Variants in AKT3 observed in about 807,000 individuals in gnomAD.
The protein encoded by AKT3 is AKT serine/threonine kinase 3, also known as RAC-gamma serine/threonine-protein kinase.
A neutral mutation model predicts 65.3 loss-of-function variants in AKT3; 15 were observed. The ratio of observed to expected loss-of-function variants is 0.23; its 90% CI spans 0.15 to 0.35. The LOEUF is 0.35. Among genes scored for constraint, AKT3 ranks in the 10% least tolerant of loss-of-function variants. The pLI is 1.00. For missense variants in AKT3, 243 were observed against 576.5 expected, an observed-to-expected ratio of 0.42 and a Z score of 5.92; for synonymous variants, 206 against 183.8, an observed-to-expected ratio of 1.12 and a Z score of -0.98.
intron 4 of AKT3, among the ~76,000 whole-genome samples, chr1:243,663,039 T>C (rs183183117): frequency 1.2e-4 from 18 of 152,292 alleles, no homozygotes; most frequent in Non-Finnish European, 1.9e-4. Flanking sequence ...TCAAAGAATA[T>C]ATATTGACAT....
At chr1:243,607,184 G>C (rs1677492777) in intron 8 of AKT3, among the ~76,000 whole-genome samples, 1 of 152,202 alleles carries the variant, frequency 6.6e-6, no homozygotes, top group South Asian at 2.1e-4. Context: ...GTGGAGCTGT[G>C]AGAAGAGGGT....
chr1:243,611,124 C>T (rs1374219694), intron 8 of AKT3, among the ~76,000 whole-genome samples: 2 of 152,086 alleles, frequency 1.3e-5, no homozygotes, highest in Non-Finnish European at 2.9e-5. Flanking sequence ...ATTTCATTTC[C>T]ACCCCCATAA....
At chr1:243,814,004 T>C (rs1334568093) in intron 2 of AKT3, among the ~76,000 whole-genome samples, 2 of 151,860 alleles carry the variant, frequency 1.3e-5, no homozygotes, top group Non-Finnish European at 2.9e-5. Flanking sequence ...GGGAGGCTCA[T>C]TCAGGAGGAT....
chr1:243,656,675 A>G (rs893970011), intron 4 of AKT3, among the ~76,000 whole-genome samples: 8 of 152,230 alleles, frequency 5.3e-5, no homozygotes, highest in African/African-American at 1.9e-4. Flanking sequence ...AGAGCACAGT[A>G]TAGCATTAGT....
intron 2 of AKT3, among the ~76,000 whole-genome samples, chr1:243,809,233 T>G (rs1241870485): frequency 6.6e-6 from 1 of 152,180 alleles, no homozygotes; most frequent in Non-Finnish European, 1.5e-5. Context: ...AGACACAGAC[T>G]GGCAAATTGG....
Position 243,600,740 on chromosome 1 carries a change from C to T in AKT3, c.696+12931G>A, listed in dbSNP as rs566558787. 3.3e-5 allele frequency among the ~76,000 whole-genome samples: 5 copies of T among 152,246 alleles called. No individual in the cohort carries two copies. In the East Asian group the frequency reaches 9.6e-4, roughly 29 times the overall value. ...AAGCATAAAAGAAAATCTCCCCGAC[C>T]TGCCACCACCCAACAGGTCTAGCTT... On this transcript the variant is annotated intron_variant, in intron 8 of 13. Transcript: ENST00000673466.
intron 8 of AKT3, among the ~76,000 whole-genome samples, chr1:243,599,525 G>A (rs560222862): frequency 6.6e-6 from 1 of 152,234 alleles, no homozygotes; most frequent in Non-Finnish European, 1.5e-5. Context: ...GGTTCTTACA[G>A]TACAGGTAAA....
intron 6 of AKT3, among the ~76,000 whole-genome samples, chr1:243,619,078 A>T (rs1427005878): frequency 6.6e-6 from 1 of 152,058 alleles, no homozygotes; most frequent in East Asian, 1.9e-4. Context: ...ATTTTCTCCA[A>T]ATTGACCACA....
At chr1:243,839,998 C>T (rs1425052052) in intron 2 of AKT3, among the ~76,000 whole-genome samples, 3 of 151,734 alleles carry the variant, frequency 2.0e-5, no homozygotes, top group Non-Finnish European at 4.4e-5. Context: ...CTGGCTAACA[C>T]GGTGAAATCT....
intron 13 of AKT3, among the ~76,000 whole-genome samples, chr1:243,509,410 A>G (rs1669881970): frequency 6.6e-6 from 1 of 152,214 alleles, no homozygotes; most frequent in Non-Finnish European, 1.5e-5. Context: ...TAAGGAATAA[A>G]GCAGGTAAGA....
At position 243,731,926 on chromosome 1, in the gene AKT3, G is replaced by C. The variant is rs986475576; in HGVS notation, c.47-36210C>G. 2.6e-5 allele frequency among the ~76,000 whole-genome samples: 4 copies of C among 152,060 alleles called. No individual in the cohort carries two copies. In the East Asian group the frequency reaches 7.7e-4, roughly 29 times the overall value. ...GCCTCATATGTAATTACCATGTAAC[G>C]GTTTTTCCTTTCTTCCTAATTTCAT... On this transcript the variant is annotated intron_variant, in intron 2 of 13. Transcript: ENST00000673466.
intron 5 of AKT3, among the ~76,000 whole-genome samples, chr1:243,645,646 T>C (rs1206114975): frequency 6.6e-6 from 1 of 152,242 alleles, no homozygotes; most frequent in Non-Finnish European, 1.5e-5. Flanking sequence ...TATAAAGTAG[T>C]GTGATGGCAC....
At chr1:243,800,805 T>C (rs201796233) in intron 2 of AKT3, among the ~76,000 whole-genome samples, 1 of 151,946 alleles carries the variant, frequency 6.6e-6, no homozygotes, top group East Asian at 1.9e-4. Context: ...ATTAAGACAG[T>C]ATCACCCAAC....
chr1:243,685,315 C>G (rs1328990400), intron 3 of AKT3, among the ~76,000 whole-genome samples: 4 of 151,872 alleles, frequency 2.6e-5, no homozygotes, highest in Non-Finnish European at 5.9e-5. Flanking sequence ...TTTTTGGTCT[C>G]ACATTTAAGT....
At chr1:243,528,170 A>G (rs1671284382) in intron 12 of AKT3, among the ~76,000 whole-genome samples, 1 of 151,948 alleles carries the variant, frequency 6.6e-6, no homozygotes, top group Non-Finnish European at 1.5e-5. Flanking sequence ...ACATCTTACT[A>G]TCTGTATGTT....
intron 2 of AKT3, among the ~76,000 whole-genome samples, chr1:243,734,668 G>A (rs1044186484): frequency 6.6e-6 from 1 of 152,136 alleles, no homozygotes; most frequent in Non-Finnish European, 1.5e-5. Context: ...GTATATTACT[G>A]TAGACTACTG....
At chr1:243,704,212 T>C (rs320343) in intron 2 of AKT3, among the ~76,000 whole-genome samples, 7,240 of 152,224 alleles carry the variant, frequency 0.048, 586 homozygotes, top group African/African-American at 0.16. Context: ...ACTTTAAACA[T>C]CTTTACTTAG....
intron 5 of AKT3, among the ~76,000 whole-genome samples, chr1:243,640,122 T>G (rs541761232): frequency 2.0e-5 from 3 of 152,200 alleles, no homozygotes; most frequent in Non-Finnish European, 4.4e-5. Flanking sequence ...AGTTCAAAGA[T>G]AAAGTAGCAA....
chr1:243,685,499 T>C (rs1352651689), intron 3 of AKT3, among the ~76,000 whole-genome samples: 2 of 152,146 alleles, frequency 1.3e-5, no homozygotes, highest in African/African-American at 4.8e-5. Context: ...AGATGTGTGG[T>C]GTTATTTCTG....
Sources: allele counts gnomAD v4.1 joint callset (sites outside exome capture counted in the v4.1 genomes callset), GRCh38; gene constraint gnomAD v4.1.1; transcripts MANE v1.5; gene names NCBI Gene and HGNC (gene_info 2026-07-23, HGNC 2026-07-21).